The following MAPK10 variants were observed in gnomAD, a reference collection of about 807,000 sequenced individuals.
MAPK10 encodes mitogen-activated protein kinase 10.
MAPK10 carries 25 observed loss-of-function variants against 59.3 expected under a neutral mutation model. That is an observed-to-expected ratio of 0.42 (90% CI 0.31 to 0.59). The LOEUF (loss-of-function observed/expected upper bound fraction) is 0.59, where lower values mean the gene tolerates loss of function less well. Ranked by LOEUF, MAPK10 falls within the 20% of genes least tolerant of loss-of-function variation. The pLI, the probability that MAPK10 is intolerant of heterozygous loss-of-function variation, is 0.15. For missense variants in MAPK10, 351 were observed against 568.9 expected, an observed-to-expected ratio of 0.62 and a Z score of 3.90; for synonymous variants, 190 against 200.5, an observed-to-expected ratio of 0.95 and a Z score of 0.44.
intron 2 of MAPK10, among the ~76,000 whole-genome samples, chr4:86,284,190 C>G (rs1380922): frequency 0.019 from 2,924 of 152,210 alleles, 91 homozygotes; most frequent in African/African-American, 0.067. Flanking sequence ...ATATGAGGAA[C>G]ATGCTATTAT....
chr4:86,190,313 G>T (rs141360037), intron 3 of MAPK10, among the ~76,000 whole-genome samples: 12,934 of 152,204 alleles, frequency 0.085, 1,221 homozygotes, highest in African/African-American at 0.23. Flanking sequence ...AATAGTTTCA[G>T]AAGGAATGAT....
chr4:86,138,968 T>C (rs372174332), intron 4 of MAPK10, among the ~76,000 whole-genome samples: 7 of 135,372 alleles, frequency 5.2e-5, no homozygotes, highest in Non-Finnish European at 8.2e-5. Flanking sequence ...AGGAATCCAA[T>C]TTACAAGGGA....
At chr4:86,414,600 T>C (rs951113059) in intron 1 of MAPK10, among the ~76,000 whole-genome samples, 1 of 152,208 alleles carries the variant, frequency 6.6e-6, no homozygotes, top group Non-Finnish European at 1.5e-5. Context: ...GAAGTCTACA[T>C]TGCTGCTGAA....
chr4:86,304,549 C>G (rs1034338531), intron 2 of MAPK10, among the ~76,000 whole-genome samples: 2 of 151,342 alleles, frequency 1.3e-5, no homozygotes, highest in African/African-American at 2.4e-5. Context: ...CCCGCCACCG[C>G]GCCCGGCTAA....
At chr4:86,162,175 T>C (rs1263642639) in intron 3 of MAPK10, among the ~76,000 whole-genome samples, 1 of 151,736 alleles carries the variant, frequency 6.6e-6, no homozygotes, top group Non-Finnish European at 1.5e-5. Context: ...AAAGTATGGA[T>C]AATACATTCT....
At chr4:86,276,381 G>C (rs558055909) in intron 2 of MAPK10, among the ~76,000 whole-genome samples, 3 of 151,842 alleles carry the variant, frequency 2.0e-5, no homozygotes, top group Non-Finnish European at 2.9e-5. Flanking sequence ...ATCACTCACA[G>C]AGAAAATAGA....
chr4:86,547,541 C>T (rs1043653507), intron 1 of MAPK10, among the ~76,000 whole-genome samples: 7 of 152,316 alleles, frequency 4.6e-5, no homozygotes, highest in South Asian at 2.1e-4. Context: ...GCCTCCCCCG[C>T]GCTCCCTGGG....
At chr4:86,256,180 C>T (rs953558287) in intron 2 of MAPK10, among the ~76,000 whole-genome samples, 1 of 152,178 alleles carries the variant, frequency 6.6e-6, no homozygotes, top group Admixed American at 6.5e-5. Context: ...ATAACATTGT[C>T]TGTAGCTTTT....
At chr4:86,586,043 T>C (rs1460319696) in intron 1 of MAPK10, among the ~76,000 whole-genome samples, 1 of 152,156 alleles carries the variant, frequency 6.6e-6, no homozygotes, top group African/African-American at 2.4e-5. Context: ...CTTTTACAAA[T>C]CAAGATTAGC....
At chr4:86,366,818 A>G (rs1737980872) in intron 1 of MAPK10, among the ~76,000 whole-genome samples, 1 of 152,210 alleles carries the variant, frequency 6.6e-6, no homozygotes, top group Admixed American at 6.5e-5. Context: ...CAGTGAAACC[A>G]ACTAATGCCC....
intron 9 of MAPK10, among the ~76,000 whole-genome samples, chr4:86,086,137 C>G (rs2051776901): frequency 2.0e-5 from 3 of 152,020 alleles, no homozygotes; most frequent in Admixed American, 2.0e-4. Flanking sequence ...ACCTGTGTAA[C>G]AAACCTGCAT....
At chr4:86,593,101 G>C (rs1314808720) in intron 1 of MAPK10, among the ~76,000 whole-genome samples, 1 of 152,162 alleles carries the variant, frequency 6.6e-6, no homozygotes, top group African/African-American at 2.4e-5. Context: ...TTTAGTAAAT[G>C]ATATAATGAA....
chr4:86,464,542 C>T (rs921061228), intron 1 of MAPK10, among the ~76,000 whole-genome samples: 11 of 152,168 alleles, frequency 7.2e-5, no homozygotes, highest in Admixed American at 5.9e-4. Flanking sequence ...ACCCTTTTTG[C>T]TGGGTGCAGT....
intron 1 of MAPK10, among the ~76,000 whole-genome samples, chr4:86,445,708 A>G (rs1455630836): frequency 6.6e-6 from 1 of 152,088 alleles, no homozygotes; most frequent in Non-Finnish European, 1.5e-5. Context: ...CACAAGCAAG[A>G]AAAGACGAGG....
intron 1 of MAPK10, among the ~76,000 whole-genome samples, chr4:86,587,886 G>A (rs1443077258): frequency 1.3e-5 from 2 of 152,198 alleles, no homozygotes; most frequent in African/African-American, 4.8e-5. Context: ...GTGTGGCAAT[G>A]CGTGCCTCTA....
chr4:86,099,440 A>G (rs2054899809), intron 8 of MAPK10: 1 of 152,202 alleles, frequency 6.6e-6, no homozygotes, highest in South Asian at 2.1e-4. Flanking sequence ...GACAAAGGGA[A>G]CTTTTGGGCA....
intron 1 of MAPK10, among the ~76,000 whole-genome samples, chr4:86,382,476 C>G (rs2149002252): frequency 6.6e-6 from 1 of 152,276 alleles, no homozygotes; most frequent in Admixed American, 6.5e-5. Context: ...TTTTATGTGT[C>G]TGTTTATGTT....
intron 1 of MAPK10, among the ~76,000 whole-genome samples, chr4:86,577,748 A>G (rs1433085471): frequency 6.6e-6 from 1 of 152,226 alleles, no homozygotes; most frequent in Non-Finnish European, 1.5e-5. Flanking sequence ...ACGTGGTTGC[A>G]ATCGTTATAA....
chr4:86,164,694 A>G (rs2071030722), intron 3 of MAPK10: 1 of 152,158 alleles, frequency 6.6e-6, no homozygotes, highest in Admixed American at 6.6e-5. Context: ...AACCAGTATT[A>G]TTGCTTACCT....
Sources: allele counts gnomAD v4.1 joint callset (sites outside exome capture counted in the v4.1 genomes callset), GRCh38; gene constraint gnomAD v4.1.1; transcripts MANE v1.5; gene names NCBI Gene and HGNC (gene_info 2026-07-23, HGNC 2026-07-21).